The following SLC30A8 variants were observed in gnomAD, a reference collection of about 807,000 sequenced individuals.
SLC30A8 encodes solute carrier family 30 member 8.
SLC30A8 carries 27 observed loss-of-function variants against 36.9 expected under a neutral mutation model. The ratio of observed to expected loss-of-function variants is 0.73; its 90% CI spans 0.54 to 1.01. SLC30A8 has a LOEUF of 1.01. Ranked by LOEUF, SLC30A8 falls within the 50% of genes least tolerant of loss-of-function variation. SLC30A8 has a pLI of 0.00. For missense variants in SLC30A8, 439 were observed against 452.0 expected (o/e 0.97, Z 0.26); for synonymous variants, 164 against 172.4 (o/e 0.95, Z 0.38).
intron 1 of SLC30A8, among the ~76,000 whole-genome samples, chr8:116,965,296 A>G (rs147965112): frequency 8.0e-4 from 122 of 152,352 alleles, no homozygotes; most frequent in African/African-American, 2.8e-3. Context: ...AGGCTAAGTA[A>G]TCAGCAAAGC....
In SLC30A8 at chr8:116,995,058, A is replaced by G. The variant is rs115446732; in HGVS notation, c.-266+43939A>G. On this transcript the variant is annotated intron_variant, in intron 1 of 10. Coordinates refer to the SLC30A8 transcript ENST00000427715. ...GGAAGGTCATGCTAATGCCTCTTCG[A>G]TTGTTAATGTAATGCGGTGTAAATG... Among the ~76,000 whole-genome samples the G allele has an allele frequency of 5.6e-3, 851 of 152,208 alleles. 18 individuals carry two copies. Among genetic ancestry groups the G allele is most frequent in the African/African-American group, 0.019 (805 of 41,484 alleles).
chr8:117,096,180 A>G (rs1187676125), intron 2 of SLC30A8, among the ~76,000 whole-genome samples: 1 of 152,186 alleles, frequency 6.6e-6, no homozygotes, highest in Non-Finnish European at 1.5e-5. Context: ...TTCCACGAGC[A>G]TTATTAAGAA....
chr8:116,951,141 G>A (rs1434095565), intron 1 of SLC30A8: 1 of 152,132 alleles, frequency 6.6e-6, no homozygotes, highest in African/African-American at 2.4e-5. Flanking sequence ...ATGTCTCTGG[G>A]CTTCAATTTT....
At chr8:117,067,140 A>G (rs537095872) in intron 2 of SLC30A8, among the ~76,000 whole-genome samples, 1 of 152,224 alleles carries the variant, frequency 6.6e-6, no homozygotes, top group East Asian at 1.9e-4. Context: ...AACGCTCACT[A>G]TCACAAGAAC....
At chr8:117,097,440 T>A (rs1819439573) in intron 2 of SLC30A8, among the ~76,000 whole-genome samples, 1 of 119,288 alleles carries the variant, frequency 8.4e-6, no homozygotes, top group African/African-American at 3.2e-5. Flanking sequence ...TATATATAAT[T>A]ATATATTATA....
chr8:116,957,238 G>A (rs1025422539), intron 1 of SLC30A8, among the ~76,000 whole-genome samples: 1 of 152,006 alleles, frequency 6.6e-6, no homozygotes, highest in African/African-American at 2.4e-5. Flanking sequence ...CATAGTTAAA[G>A]GGCTATTATG....
upstream of SLC30A8, among the ~76,000 whole-genome samples, chr8:117,130,460 AAAAT>A (rs1166133544): frequency 2.0e-5 from 3 of 152,010 alleles, no homozygotes; most frequent in Non-Finnish European, 2.9e-5. Context: ...TCACTGAAGG[AAAAT>A]AAACAGTGCT....
chr8:117,092,054 G>A (rs533629345), intron 2 of SLC30A8, among the ~76,000 whole-genome samples: 106 of 152,210 alleles, frequency 7.0e-4, no homozygotes, highest in African/African-American at 1.9e-3. Flanking sequence ...AAAGGACAAC[G>A]CATCCTTCTT....
At chr8:116,993,012 G>A (rs1815698427) in intron 1 of SLC30A8, among the ~76,000 whole-genome samples, 1 of 152,096 alleles carries the variant, frequency 6.6e-6, no homozygotes, top group Admixed American at 6.5e-5. Flanking sequence ...CATGGTGGCT[G>A]AGACTTAGTA....
chr8:117,118,304 C>CTAAT (rs1820542337), intron 2 of SLC30A8, among the ~76,000 whole-genome samples: 1 of 151,806 alleles, frequency 6.6e-6, no homozygotes, highest in Admixed American at 6.6e-5. Context: ...AGTTGTCTTT[C>CTAAT]TAATTTCTCT....
At chr8:117,139,093 A>G (rs1821512580) in intron 1 of SLC30A8, among the ~76,000 whole-genome samples, 1 of 152,128 alleles carries the variant, frequency 6.6e-6, no homozygotes, top group Non-Finnish European at 1.5e-5. Flanking sequence ...GACAGGCAGA[A>G]AAAGAGGTAA....
intron 2 of SLC30A8, among the ~76,000 whole-genome samples, chr8:117,065,447 C>T (rs1818139924): frequency 6.6e-6 from 1 of 152,108 alleles, no homozygotes; most frequent in Admixed American, 6.5e-5. Flanking sequence ...AAATTGTAGC[C>T]TGCTGGTGTC....
chr8:117,101,163 C>A (rs549788088), intron 2 of SLC30A8, among the ~76,000 whole-genome samples: 66 of 152,214 alleles, frequency 4.3e-4, no homozygotes, highest in East Asian at 3.9e-4. Context: ...ACCCATATGG[C>A]CCCCAGGACA....
upstream of SLC30A8, among the ~76,000 whole-genome samples, chr8:117,133,855 A>T (rs1290896119): frequency 1.3e-5 from 2 of 151,910 alleles, no homozygotes; most frequent in Non-Finnish European, 2.9e-5. Flanking sequence ...CAATGCCTTC[A>T]CTTGCAAGGA....
At chr8:117,088,346 G>A (rs1191227660) in intron 2 of SLC30A8, among the ~76,000 whole-genome samples, 1 of 152,188 alleles carries the variant, frequency 6.6e-6, no homozygotes, top group African/African-American at 2.4e-5. Context: ...TAAACATTCA[G>A]TACAATGCAG....
chr8:116,979,236 C>T lies in SLC30A8; in HGVS notation c.-266+28117C>T, dbSNP rs539420149. Among the ~76,000 whole-genome samples the T allele has an allele frequency of 8.8e-4, 48 of 54,558 alleles. No homozygotes were observed. In the Middle Eastern group the frequency reaches 0.067, roughly 76 times the overall value. 35.8% of individuals were successfully genotyped at this position (54,558 alleles called of 152,430 possible). On this transcript the variant is annotated intron_variant, in intron 1 of 10. Coordinates refer to the SLC30A8 transcript ENST00000427715. ...CCTGGGCAATAGCGTGAGACCCTGT[C>T]TCAAAAAAAAAAAAAAAAAAAAAAA...
chr8:116,991,938 C>T (rs2130665367), intron 1 of SLC30A8, among the ~76,000 whole-genome samples: 1 of 152,256 alleles, frequency 6.6e-6, no homozygotes, highest in African/African-American at 2.4e-5. Flanking sequence ...TCTTGTGGCC[C>T]TGAAGATGCA....
At chr8:116,965,624 A>G (rs1021522371) in intron 1 of SLC30A8, among the ~76,000 whole-genome samples, 16 of 152,174 alleles carry the variant, frequency 1.1e-4, no homozygotes, top group African/African-American at 3.6e-4. Flanking sequence ...CCCATCGCCT[A>G]TTCAGTCTGG....
chr8:117,104,075 A>T (rs1819860628), intron 2 of SLC30A8, among the ~76,000 whole-genome samples: 1 of 152,132 alleles, frequency 6.6e-6, no homozygotes, highest in Admixed American at 6.6e-5. Flanking sequence ...GACATGGCTG[A>T]TTGAATGCAT....
Sources: gnomAD v4.1 joint callset for allele counts (sites outside exome capture counted in the v4.1 genomes callset) on GRCh38, gnomAD v4.1.1 for gene constraint, MANE v1.5 for transcripts, NCBI Gene and HGNC (gene_info 2026-07-23, HGNC 2026-07-21) for gene names.